CCNYL1: variants seen among roughly 807,000 people sequenced by gnomAD.
CCNYL1 encodes cyclin Y like 1.
In CCNYL1, 16 loss-of-function variants were observed where a neutral mutation model predicts 44.2. The ratio of observed to expected loss-of-function variants is 0.36; its 90% CI spans 0.25 to 0.55. The LOEUF (loss-of-function observed/expected upper bound fraction) is 0.55. CCNYL1 is among the 20% of genes least tolerant of loss of function. CCNYL1 has a pLI of 0.85. For synonymous variants in CCNYL1, 159 were observed against 163.2 expected (o/e 0.97, Z 0.20); for missense variants, 348 against 451.8 (o/e 0.77, Z 2.08).
intron 2 of CCNYL1, among the ~76,000 whole-genome samples, chr2:207,726,554 T>C (rs1296899476): frequency 6.6e-6 from 1 of 152,384 alleles, no homozygotes; most frequent in East Asian, 1.9e-4. Flanking sequence ...ACCTATTAGC[T>C]AAATTTCTCA....
chr2:207,720,091 A>G (rs2091628787), intron 1 of CCNYL1, among the ~76,000 whole-genome samples: 1 of 149,990 alleles, frequency 6.7e-6, no homozygotes, highest in Non-Finnish European at 1.5e-5. Flanking sequence ...GGGAGGCTGA[A>G]GCAGAAAAAT....
chr2:207,725,113 T>C (rs1284880732), intron 2 of CCNYL1, among the ~76,000 whole-genome samples: 1 of 147,666 alleles, frequency 6.8e-6, no homozygotes, highest in Non-Finnish European at 1.5e-5. Context: ...GGCCACATGA[T>C]TTAGTAACAT....
intron 1 of CCNYL1, among the ~76,000 whole-genome samples, chr2:207,718,038 G>A (rs775380946): frequency 6.6e-5 from 10 of 151,100 alleles, no homozygotes; most frequent in Non-Finnish European, 1.2e-4. Context: ...CCGAGTAGCT[G>A]GGGCTACAAG....
intron 3 of CCNYL1, among the ~76,000 whole-genome samples, chr2:207,731,574 T>G (rs1459010462): frequency 6.6e-6 from 1 of 152,136 alleles, no homozygotes; most frequent in African/African-American, 2.4e-5. Context: ...TTGTTGAGGT[T>G]GTAAGTCAGC....
intron 5 of CCNYL1, among the ~76,000 whole-genome samples, chr2:207,739,673 T>G (rs745724272): frequency 1.3e-5 from 2 of 152,378 alleles, no homozygotes; most frequent in South Asian, 4.1e-4. Context: ...AATTACTTTA[T>G]GTGAACTTTC....
chr2:207,713,173 G>A (rs1453343763), intron 1 of CCNYL1, among the ~76,000 whole-genome samples: 1 of 152,198 alleles, frequency 6.6e-6, no homozygotes, highest in Non-Finnish European at 1.5e-5. Flanking sequence ...TCCCACGGTG[G>A]CAAATACATC....
intron 3 of CCNYL1, among the ~76,000 whole-genome samples, 194 bp from the exon 4 acceptor site, chr2:207,733,753 T>C (rs2091745499): frequency 6.6e-6 from 1 of 152,184 alleles, no homozygotes; most frequent in African/African-American, 2.4e-5. Flanking sequence ...TCATAACCCA[T>C]TCCTCAAACA....
At chr2:207,724,919 T>G (rs2091668800) in intron 2 of CCNYL1, 45 bp downstream of exon 2, 1 of 1,446,922 alleles carries the variant, frequency 6.9e-7, no homozygotes, top group Non-Finnish European at 9.5e-7. Context: ...GACTGAAAAC[T>G]GTTTCTATTT....
intron 1 of CCNYL1, 138 bp downstream of exon 1, chr2:207,712,254 C>G (rs2091555026): frequency 1.6e-6 from 1 of 634,970 alleles, no homozygotes. Context: ...GGTTCTGCCT[C>G]GCGTCCCCAC....
At chr2:207,741,923 G>A (rs2091814124) in intron 6 of CCNYL1, among the ~76,000 whole-genome samples, 1 of 150,978 alleles carries the variant, frequency 6.6e-6, no homozygotes, top group African/African-American at 2.4e-5. Context: ...GGCCAAGGCA[G>A]GTGGATTGCC....
chr2:207,724,747 A>G lies in CCNYL1; in HGVS notation c.221-53A>G. 2.3e-6 allele frequency: 3 copies of G among 1,306,680 alleles called. No individual in the cohort carries two copies. The South Asian group carries it at 3.6e-5, about 16-fold the overall frequency. The allele number at this position is 1,306,680 out of a possible 1,614,324, so 80.9% of individuals were successfully genotyped here. On this transcript the variant is annotated intron_variant, in intron 1 of 9. Coordinates refer to ENST00000295414, the MANE Select transcript of CCNYL1 (RefSeq NM_001330218.2). The stretch of plus-strand genomic sequence containing the variant: ...AAATGGATGTGTATCTATTTCAGAA[A>G]TCATCTTTTCTACTCACCTAAAGTG...
intron 1 of CCNYL1, among the ~76,000 whole-genome samples, chr2:207,720,208 A>AGT: frequency 6.6e-6 from 1 of 151,410 alleles, no homozygotes; most frequent in South Asian, 2.1e-4. Flanking sequence ...AAAAAAAAAA[A>AGT]AGGCTTGGTA....
chr2:207,734,996 A>G (rs949655750), intron 4 of CCNYL1, among the ~76,000 whole-genome samples: 2 of 152,200 alleles, frequency 1.3e-5, no homozygotes, highest in African/African-American at 4.8e-5. Context: ...CCTTGAGTTA[A>G]AAAACCACTC....
intron 5 of CCNYL1, among the ~76,000 whole-genome samples, chr2:207,739,803 A>AC (rs1356162917): frequency 1.3e-5 from 2 of 152,252 alleles, no homozygotes; most frequent in Admixed American, 1.3e-4. Context: ...AAGAGGCAGT[A>AC]AAGAGTAGCA....
intron 1 of CCNYL1, among the ~76,000 whole-genome samples, chr2:207,719,321 G>C (rs563399477): frequency 6.5e-4 from 71 of 109,778 alleles, no homozygotes; most frequent in African/African-American, 2.1e-3. Flanking sequence ...TTTTTTTTGA[G>C]ATGGAGTCTA....
intron 1 of CCNYL1, among the ~76,000 whole-genome samples, chr2:207,721,696 C>G (rs182812066): frequency 1.5e-3 from 234 of 151,812 alleles, no homozygotes; most frequent in African/African-American, 5.3e-3. Context: ...ATATCAAAAA[C>G]TATTTCTTCT....
chr2:207,716,680 A>G (rs1383636272), intron 1 of CCNYL1, among the ~76,000 whole-genome samples: 2 of 152,234 alleles, frequency 1.3e-5, no homozygotes, highest in Non-Finnish European at 2.9e-5. Flanking sequence ...TAGTAACATC[A>G]TACACAGTCT....
chr2:207,717,566 T>C (rs994858606), intron 1 of CCNYL1, among the ~76,000 whole-genome samples: 1 of 151,962 alleles, frequency 6.6e-6, no homozygotes. Flanking sequence ...GGGTCATGGA[T>C]TGGGGAGGAG....
chr2:207,716,205 AG>A (rs532153486), intron 1 of CCNYL1, among the ~76,000 whole-genome samples: 91 of 152,282 alleles, frequency 6.0e-4, no homozygotes, highest in African/African-American at 2.1e-3. Flanking sequence ...TGCTGGCTAA[AG>A]GCGCTCTCTG....
Sources: allele counts gnomAD v4.1 joint callset (sites outside exome capture counted in the v4.1 genomes callset), GRCh38; gene constraint gnomAD v4.1.1; transcripts MANE v1.5; gene names NCBI Gene and HGNC (gene_info 2026-07-23, HGNC 2026-07-21).